The following SERPINI1 variants were observed in gnomAD, a reference collection of about 807,000 sequenced individuals.
SERPINI1 encodes neuroserpin.
Under a neutral mutation model 41.1 loss-of-function variants are expected in SERPINI1, and 19 were observed. That is an observed-to-expected ratio of 0.46 (90% CI 0.32 to 0.68). The LOEUF (loss-of-function observed/expected upper bound fraction) is 0.68, where lower values mean the gene tolerates loss of function less well. SERPINI1 is among the 30% of genes least tolerant of loss of function. The pLI is 0.03. For missense variants in SERPINI1, 460 were observed against 479.2 expected (o/e 0.96, Z 0.37); for synonymous variants, 138 against 156.6 (o/e 0.88, Z 0.89).
chr3:167,817,233 T>C (rs565524966), intron 6 of SERPINI1, among the ~76,000 whole-genome samples: 1 of 152,332 alleles, frequency 6.6e-6, no homozygotes, highest in Admixed American at 6.5e-5. Context: ...TTGTATATGT[T>C]GCTAAGTTTA....
intron 7 of SERPINI1, among the ~76,000 whole-genome samples, chr3:167,823,660 T>A (rs996584537): frequency 2.0e-5 from 3 of 152,194 alleles, no homozygotes; most frequent in Admixed American, 2.0e-4. Flanking sequence ...AATTGTTGAC[T>A]TATAATCACT....
At chr3:167,767,900 A>G (rs529127706) in intron 1 of SERPINI1, among the ~76,000 whole-genome samples, 25 of 152,294 alleles carry the variant, frequency 1.6e-4, no homozygotes, top group African/African-American at 5.3e-4. Context: ...TGAGCAAAGG[A>G]AGTGTTTTTT....
At chr3:167,758,141 G>T (rs1726250594) in intron 1 of SERPINI1, among the ~76,000 whole-genome samples, 1 of 152,034 alleles carries the variant, frequency 6.6e-6, no homozygotes, top group Non-Finnish European at 1.5e-5. Context: ...TTCTGGACCT[G>T]CAGGTGTGTG....
intron 1 of SERPINI1, among the ~76,000 whole-genome samples, chr3:167,754,111 A>G (rs1577400798): frequency 6.6e-6 from 1 of 152,298 alleles, no homozygotes; most frequent in East Asian, 1.9e-4. Flanking sequence ...TGCCACATTT[A>G]CCTTTGTTTT....
chr3:167,811,209 T>C (rs920959337), intron 6 of SERPINI1, among the ~76,000 whole-genome samples: 1 of 151,028 alleles, frequency 6.6e-6, no homozygotes, highest in Non-Finnish European at 1.5e-5. Context: ...CTGAATTCTT[T>C]CCAGAAGATT....
intron 5 of SERPINI1, among the ~76,000 whole-genome samples, chr3:167,795,933 C>G (rs1727694975): frequency 6.6e-6 from 1 of 152,002 alleles, no homozygotes; most frequent in African/African-American, 2.4e-5. Flanking sequence ...TCAATAAAAA[C>G]AGATTAAATA....
At chr3:167,743,624 C>T (rs951606087) in intron 1 of SERPINI1, among the ~76,000 whole-genome samples, 5 of 152,068 alleles carry the variant, frequency 3.3e-5, no homozygotes, top group Non-Finnish European at 1.5e-5. Context: ...TTTCTAAACT[C>T]TTCTACAAAC....
chr3:167,766,062 C>T (rs531843265), intron 1 of SERPINI1, among the ~76,000 whole-genome samples: 1 of 152,220 alleles, frequency 6.6e-6, no homozygotes, highest in South Asian at 2.1e-4. Context: ...TTCTTCTGAG[C>T]CCTCCAAACT....
intron 1 of SERPINI1, among the ~76,000 whole-genome samples, chr3:167,758,360 C>T (rs1267415815): frequency 6.6e-6 from 1 of 151,764 alleles, no homozygotes; most frequent in Admixed American, 6.6e-5. Flanking sequence ...TATTATAGCC[C>T]GTAGAATAAA....
chr3:167,803,228 T>TG (rs1358188252), intron 5 of SERPINI1, among the ~76,000 whole-genome samples: 2 of 151,866 alleles, frequency 1.3e-5, no homozygotes, highest in Non-Finnish European at 1.5e-5. Flanking sequence ...TATACATATG[T>TG]AACTAACCTG....
intron 1 of SERPINI1, among the ~76,000 whole-genome samples, chr3:167,776,662 T>G (rs563042333): frequency 6.6e-6 from 1 of 152,392 alleles, no homozygotes; most frequent in East Asian, 1.9e-4. Flanking sequence ...TACTTCTAGC[T>G]GTGTCTGCAC....
rs1011427172 is a variant in SERPINI1, at chr3:167,790,477, A to C, written c.356A>C (p.His119Pro). The change falls in exon 3 of 9, where the codon CAT (histidine) becomes CCT (proline). Residue 119 changes from histidine to proline, a missense_variant. By Grantham distance (77) the His-to-Pro change is moderately conservative. Transcript: ENST00000446050. ...TCCTTGTTTGTGCAAAATGGATTTC[A>C]TGTCAATGAGGAGTTTTTGCAAATG... Reference protein sequence around the residue: ...ANSLFVQNGFHVNEEFLQMMK... With the variant: ...ANSLFVQNGFPVNEEFLQMMK... The C allele has an allele frequency of 6.8e-6, 11 of 1,614,016 alleles. No homozygotes were observed. The highest frequency in any genetic ancestry group is 9.3e-6 in the Non-Finnish European group (11 of 1,179,870).
rs1439828732 is a variant in SERPINI1 at position 167,794,697 on chromosome 3, A to G, written c.754A>G (p.Ser252Gly). ...AATACCATATGAAGGAGATGAAATA[A>G]GCATGATGCTGGTGCTGTCCAGACA... ...LEIPYEGDEISMMLVLSRQEV... is the reference protein window; with the variant it reads ...LEIPYEGDEIGMMLVLSRQEV... The change falls in exon 5 of 9, where the codon AGC (serine) becomes GGC (glycine). Residue 252 changes from serine (S) to glycine (G), a missense_variant. Physicochemically the swap from Ser to Gly is moderately conservative, Grantham distance 56. Coordinates refer to ENST00000446050, the MANE Select transcript of SERPINI1 (RefSeq NM_001122752.2). 2 of 1,613,614 alleles carry G rather than the reference A, an allele frequency of 1.2e-6. No homozygotes were observed. Among genetic ancestry groups the G allele is most frequent in the Non-Finnish European group, 1.7e-6 (2 of 1,179,838 alleles).
chr3:167,786,926 A>AGTGT (rs1347481529), intron 1 of SERPINI1, among the ~76,000 whole-genome samples: 7 of 152,222 alleles, frequency 4.6e-5, no homozygotes, highest in African/African-American at 1.7e-4. Flanking sequence ...GTGTTCAGTA[A>AGTGT]GTGTGTAAGT....
chr3:167,761,183 G>C (rs1250442584), intron 1 of SERPINI1, among the ~76,000 whole-genome samples: 1 of 152,150 alleles, frequency 6.6e-6, no homozygotes, highest in Non-Finnish European at 1.5e-5. Context: ...TCCATTGCAA[G>C]ACTAGCCACT....
intron 1 of SERPINI1, among the ~76,000 whole-genome samples, chr3:167,748,951 A>G (rs1435769524): frequency 1.5e-4 from 23 of 152,140 alleles, no homozygotes. Context: ...GAAGAGGAGT[A>G]AGTTTTGAGT....
intron 7 of SERPINI1, among the ~76,000 whole-genome samples, chr3:167,823,745 C>A (rs1000730628): frequency 6.6e-6 from 1 of 151,158 alleles, no homozygotes. Flanking sequence ...CCCAACATAC[C>A]CCACCTCTAT....
chr3:167,755,755 G>T (rs1167967487), intron 1 of SERPINI1, among the ~76,000 whole-genome samples: 1 of 149,592 alleles, frequency 6.7e-6, no homozygotes, highest in Non-Finnish European at 1.5e-5. Context: ...TAAACCTAAA[G>T]CCTATATTAT....
At chr3:167,790,261 C>T (rs984066758) in intron 2 of SERPINI1, 111 bp from the exon 3 acceptor site, 9 of 765,160 alleles carry the variant, frequency 1.2e-5, no homozygotes, top group African/African-American at 1.0e-4. Context: ...CACTTTTCCC[C>T]CAGGTGCCTG....
Sources: allele counts gnomAD v4.1 joint callset (sites outside exome capture counted in the v4.1 genomes callset), GRCh38; gene constraint gnomAD v4.1.1; transcripts MANE v1.5; gene names NCBI Gene and HGNC (gene_info 2026-07-23, HGNC 2026-07-21).